PKHD1: variants seen among roughly 807,000 people sequenced by gnomAD.
PKHD1 encodes the protein fibrocystin.
In PKHD1, 291 loss-of-function variants were observed where a neutral mutation model predicts 412.0. The observed-to-expected ratio is 0.71, with a 90% CI of 0.64 to 0.78. The LOEUF is 0.78. Among genes scored for constraint, PKHD1 ranks in the 30% least tolerant of loss-of-function variants. The pLI is 0.00. For synonymous variants in PKHD1, 1,777 were observed against 1,821.5 expected (o/e 0.98, Z 0.62); for missense variants, 4,825 against 4,950.7 (o/e 0.97, Z 0.76).
At chr6:51,779,311 C>A (rs546588435) in intron 53 of PKHD1, among the ~76,000 whole-genome samples, 1 of 152,216 alleles carries the variant, frequency 6.6e-6, no homozygotes, top group Non-Finnish European at 1.5e-5. Context: ...TGCCTTCATT[C>A]CTGTTTTTGT....
chr6:51,694,833 T>TCTGACCCA (rs1269669871), intron 60 of PKHD1, among the ~76,000 whole-genome samples: 2 of 152,090 alleles, frequency 1.3e-5, no homozygotes, highest in African/African-American at 4.8e-5. Flanking sequence ...TCACATCACT[T>TCTGACCCA]CTGACCCACA....
chr6:52,060,045 G>A lies in PKHD1; in HGVS notation c.1119-3C>T. The A allele has an allele frequency of 1.3e-6, 2 of 1,550,332 alleles. No homozygotes were observed. Among genetic ancestry groups the A allele is most frequent in the Non-Finnish European group, 1.8e-6 (2 of 1,121,782 alleles). On this transcript the variant is annotated splice_region_variant and splice_polypyrimidine_tract_variant and intron_variant, in intron 14 of 66. Transcript: ENST00000371117. ...CAAAGAACCCACTGAGCCGTGCTCTGTAAAGTAGAACATAGAGTCAAGCAA... is the reference window on the plus strand; with the variant it reads ...CAAAGAACCCACTGAGCCGTGCTCTATAAAGTAGAACATAGAGTCAAGCAA...
At chr6:51,825,174 A>G (rs141704311) in intron 52 of PKHD1, among the ~76,000 whole-genome samples, 5 of 152,306 alleles carry the variant, frequency 3.3e-5, no homozygotes, top group African/African-American at 1.2e-4. Flanking sequence ...ATATATGCTT[A>G]CACACATAAA....
chr6:51,938,618 C>G (rs1040096631), intron 36 of PKHD1, among the ~76,000 whole-genome samples: 2 of 151,400 alleles, frequency 1.3e-5, no homozygotes, highest in African/African-American at 4.8e-5. Context: ...CACCTGCACC[C>G]AGGTGAAATA....
intron 39 of PKHD1, among the ~76,000 whole-genome samples, chr6:51,911,303 T>C (rs1167207458): frequency 6.6e-6 from 1 of 152,172 alleles, no homozygotes; most frequent in African/African-American, 2.4e-5. Context: ...GTGCCTGCTA[T>C]TCTACTAGAA....
At chr6:51,733,725 T>C (rs1783507746) in intron 60 of PKHD1, among the ~76,000 whole-genome samples, 1 of 152,192 alleles carries the variant, frequency 6.6e-6, no homozygotes, top group Non-Finnish European at 1.5e-5. Flanking sequence ...CTTACTGTCT[T>C]TGAATATGTA....
chr6:51,830,119 T>C (rs937281915), intron 52 of PKHD1, among the ~76,000 whole-genome samples: 1 of 152,186 alleles, frequency 6.6e-6, no homozygotes, highest in African/African-American at 2.4e-5. Context: ...GGATCTTCTT[T>C]TATTCACTAT....
At chr6:51,854,250 T>A (rs1371598429) in intron 49 of PKHD1, among the ~76,000 whole-genome samples, 3 of 151,954 alleles carry the variant, frequency 2.0e-5, no homozygotes, top group South Asian at 2.1e-4. Context: ...TTTGCTCCCA[T>A]GCCTGGAGAT....
chr6:51,927,927 T>C (rs1192071458), intron 37 of PKHD1, among the ~76,000 whole-genome samples: 2 of 151,932 alleles, frequency 1.3e-5, no homozygotes, highest in Non-Finnish European at 2.9e-5. Context: ...TGAGAAACTG[T>C]GCAGTGGAAA....
At chr6:51,780,535 AG>A (rs1238044932) in intron 53 of PKHD1, among the ~76,000 whole-genome samples, 3 of 152,162 alleles carry the variant, frequency 2.0e-5, no homozygotes, top group African/African-American at 7.2e-5. Flanking sequence ...ATTAAAAAAG[AG>A]TAAGAGAACA....
intron 54 of PKHD1, among the ~76,000 whole-genome samples, chr6:51,774,740 T>C (rs1790717872): frequency 6.6e-6 from 1 of 151,848 alleles, no homozygotes; most frequent in Admixed American, 6.6e-5. Context: ...CTAATGAATA[T>C]TAAATTTATA....
At chr6:51,661,538 A>G (rs1772872891) in intron 60 of PKHD1, among the ~76,000 whole-genome samples, 1 of 152,040 alleles carries the variant, frequency 6.6e-6, no homozygotes, top group Non-Finnish European at 1.5e-5. Context: ...TAAAAAGTAA[A>G]GAAATACAAG....
chr6:51,704,569 G>T (rs1487739727), intron 60 of PKHD1, among the ~76,000 whole-genome samples: 8 of 152,054 alleles, frequency 5.3e-5, no homozygotes, highest in Non-Finnish European at 4.4e-5. Context: ...TAAGAAGAAA[G>T]GATGGATTTA....
intron 60 of PKHD1, among the ~76,000 whole-genome samples, chr6:51,712,261 T>C (rs1226141924): frequency 2.0e-5 from 3 of 152,188 alleles, no homozygotes; most frequent in Non-Finnish European, 4.4e-5. Context: ...GCTTCTTCCT[T>C]TTCTTCTTGG....
At chr6:51,930,674 C>T (rs1786433412) in intron 37 of PKHD1, among the ~76,000 whole-genome samples, 1 of 152,190 alleles carries the variant, frequency 6.6e-6, no homozygotes, top group South Asian at 2.1e-4. Context: ...AATTAGAATC[C>T]ATTCAGCATT....
At chr6:52,024,280 C>T (rs1374463963) in intron 32 of PKHD1, among the ~76,000 whole-genome samples, 2 of 152,174 alleles carry the variant, frequency 1.3e-5, no homozygotes, top group African/African-American at 4.8e-5. Context: ...AAATTATGAG[C>T]TCTTACAAAT....
intron 57 of PKHD1, among the ~76,000 whole-genome samples, chr6:51,750,561 G>A (rs564340017): frequency 5.9e-5 from 9 of 152,084 alleles, no homozygotes; most frequent in East Asian, 5.8e-4. Context: ...TTCCCTCCCC[G>A]GGTGCGCCAC....
chr6:51,982,288 C>G (rs1174057371), intron 35 of PKHD1, among the ~76,000 whole-genome samples: 2 of 62,660 alleles, frequency 3.2e-5, no homozygotes, highest in Non-Finnish European at 4.3e-5. Context: ...TCTGCCCGGC[C>G]ACGACCCCGT....
intron 22 of PKHD1, among the ~76,000 whole-genome samples, chr6:52,049,398 A>T (rs1032781192): frequency 3.3e-5 from 5 of 152,238 alleles, no homozygotes; most frequent in African/African-American, 1.2e-4. Flanking sequence ...TCACCGACAG[A>T]TACATTGTTA....
Sources: allele counts gnomAD v4.1 joint callset (sites outside exome capture counted in the v4.1 genomes callset), GRCh38; gene constraint gnomAD v4.1.1; transcripts MANE v1.5; gene names NCBI Gene and HGNC (gene_info 2026-07-23, HGNC 2026-07-21).